Variants in FRG1 observed in about 807,000 individuals in gnomAD.
FRG1 encodes the protein FSHD region gene 1.
FRG1 carries 19 observed loss-of-function variants against 37.0 expected under a neutral mutation model. That is an observed-to-expected ratio of 0.51 (90% CI 0.36 to 0.75). The LOEUF is 0.75. Among genes scored for constraint, FRG1 ranks in the 30% least tolerant of loss-of-function variants. The pLI is 0.00. For synonymous variants in FRG1, 73 were observed against 96.5 expected, an observed-to-expected ratio of 0.76 and a Z score of 1.43; for missense variants, 243 against 301.4, an observed-to-expected ratio of 0.81 and a Z score of 1.44.
At chr4:189,962,943 C>A in intron 8 of FRG1, 150 bp from the exon 9 acceptor site, 1 of 431,832 alleles carries the variant, frequency 2.3e-6, no homozygotes, top group Non-Finnish European at 4.1e-6. Flanking sequence ...TTTATAGAAA[C>A]CAAATTTAAA....
In FRG1 at chr4:189,955,040, C is replaced by G. The variant is rs7684300; in HGVS notation, c.321C>G (p.Ile107Met). 25 of 1,593,164 alleles carry G rather than the reference C, an allele frequency of 1.6e-5. 1 individual carries two copies. Among genetic ancestry groups the G allele is most frequent in the Non-Finnish European group, 1.9e-5 (22 of 1,161,828 alleles). ...TATCTATGTTATTAATGTACAGAAT[C>G]GCCCTGAAGTCTGGCTATGGAAAAT... is the stretch of plus-strand genomic sequence containing the variant. ...FTAVKLSDSR[I>M]ALKSGYGKYL... The change falls in exon 5 of 9, where the codon ATC becomes ATG. Residue 107 changes from isoleucine to methionine, a missense_variant. By Grantham distance (10) the Ile-to-Met change is conservative. Coordinates refer to ENST00000226798, the MANE Select transcript of FRG1 (RefSeq NM_004477.3).
rs1020514656 is a variant in FRG1 at position 189,959,768 on chromosome 4, T to C, written c.538-980T>C. ...CAGACGAAATACAAAGTTTTCTGGG[T>C]CTCTTTGGTTAGTCAAGTACCTGGA... is the stretch of plus-strand genomic sequence containing the variant. On this transcript the variant is annotated intron_variant, in intron 6 of 8. Coordinates refer to ENST00000226798, the MANE Select transcript of FRG1 (RefSeq NM_004477.3). The C allele has an allele frequency of 2.4e-5, 11 of 460,326 alleles. No homozygotes were observed. The Admixed American group carries it at 7.0e-4, about 29-fold the overall frequency. The allele number at this position is 460,326 out of a possible 1,614,324, so 28.5% of individuals were successfully genotyped here. A position where few individuals can be genotyped will look rare whatever the true frequency, so the allele number is the denominator to read the frequency against.
intron 4 of FRG1, among the ~76,000 whole-genome samples, chr4:189,954,505 A>G (rs1330407848): frequency 6.6e-6 from 1 of 152,090 alleles, no homozygotes; most frequent in Non-Finnish European, 1.5e-5. Flanking sequence ...TATATAAGGT[A>G]CAATGTTTAT....
chr4:189,957,700 G>C (rs74198508), intron 6 of FRG1, among the ~76,000 whole-genome samples, 198 bp downstream of exon 6: 27 of 151,120 alleles, frequency 1.8e-4, no homozygotes, highest in Admixed American at 1.6e-3. Context: ...GTAGAGAAAT[G>C]AGTGCATCTA....
At chr4:189,945,706 C>CT (rs1405697519) in intron 2 of FRG1, among the ~76,000 whole-genome samples, 1 of 151,834 alleles carries the variant, frequency 6.6e-6, no homozygotes, top group Middle Eastern at 3.2e-3. Flanking sequence ...AGATATTGGA[C>CT]TTTTGTATCC....
chr4:189,957,478 A>C lies in FRG1; in HGVS notation c.513A>C (p.Thr171=), dbSNP rs1348676094. Reference sequence around the variant, plus strand: ...GGGACATAGAAGCAAAAAGTAAAACAGCAGGAGAAGAAGAAATGATCAAGG... The same window carrying C: ...GGGACATAGAAGCAAAAAGTAAAACCGCAGGAGAAGAAGAAATGATCAAGG... ...EAGDIEAKSK[T]AGEEEMIKIR... The change falls in exon 6 of 9, where the codon ACA becomes ACC. Residue 171 remains threonine (T), a synonymous_variant. Coordinates refer to ENST00000226798, the MANE Select transcript of FRG1 (RefSeq NM_004477.3). The C allele has an allele frequency of 5.0e-6, 8 of 1,612,260 alleles. No individual in the cohort carries two copies. In the African/African-American group the frequency reaches 1.1e-4, roughly 22 times the overall value.
In FRG1 at chr4:189,941,032, A is replaced by C. The variant is rs1473385131; in HGVS notation, c.23A>C (p.Lys8Thr). 17 of 1,613,974 alleles carry C rather than the reference A, an allele frequency of 1.1e-5. No individual in the cohort carries two copies. Among genetic ancestry groups the C allele is most frequent in the Middle Eastern group, 1.6e-4 (1 of 6,084 alleles). Residue 8 changes from lysine (K) to threonine (T), a missense_variant, in exon 1 of 9, where the codon AAG becomes ACG. Transcript: ENST00000226798. ...GCCATGGCCGAGTACTCCTACGTGA[A>C]GTCTACCAAGCTCGTGCTCAAGGGA... is the stretch of plus-strand genomic sequence containing the variant. Reference protein sequence around the residue: MAEYSYVKSTKLVLKGTK... With the variant: MAEYSYVTSTKLVLKGTK...
chr4:189,950,875 C>T (rs1025105576), intron 2 of FRG1, among the ~76,000 whole-genome samples: 6 of 152,070 alleles, frequency 3.9e-5, no homozygotes, highest in Middle Eastern at 3.2e-3. Context: ...CATAAACGTA[C>T]ATTTCTTAAC....
intron 4 of FRG1, among the ~76,000 whole-genome samples, chr4:189,954,198 CAT>C (rs934649671): frequency 1.2e-4 from 18 of 151,348 alleles, no homozygotes; most frequent in Non-Finnish European, 2.5e-4. Flanking sequence ...TTTTTAAAGT[CAT>C]AATGTTTAAA....
chr4:189,961,899 A>G lies in FRG1; in HGVS notation c.707A>G (p.Lys236Arg), dbSNP rs1737254066. Residue 236 changes from lysine (K) to arginine (R), a missense_variant, in exon 8 of 9, where the codon AAA becomes AGA. Coordinates refer to ENST00000226798, the MANE Select transcript of FRG1 (RefSeq NM_004477.3). Reference protein sequence around the residue: ...EDSKILKKARKDGFLHETLLD... With the variant: ...EDSKILKKARRDGFLHETLLD... ...AGTAAAATTCTTAAAAAGGCTCGGA[A>G]AGATGGATTTTTGCATGAGACGCTT... The G allele has an allele frequency of 6.3e-7, 1 of 1,597,506 alleles. No individual in the cohort carries two copies. The highest frequency in any genetic ancestry group is 8.5e-7 in the Non-Finnish European group (1 of 1,172,132).
chr4:189,949,575 G>A (rs1457648920), intron 2 of FRG1, among the ~76,000 whole-genome samples: 2 of 152,120 alleles, frequency 1.3e-5, no homozygotes, highest in Non-Finnish European at 2.9e-5. Context: ...ACATTAATGA[G>A]TTATTATATT....
At chr4:189,954,950 G>C (rs73876033) in intron 4 of FRG1, 87 bp from the exon 5 acceptor site, 1 of 768,810 alleles carries the variant, frequency 1.3e-6, no homozygotes, top group Non-Finnish European at 2.2e-6. Context: ...TATGTACACA[G>C]CCACACACAT....
At chr4:189,952,731 T>G (rs1425096473) in intron 3 of FRG1, among the ~76,000 whole-genome samples, 28 of 152,308 alleles carry the variant, frequency 1.8e-4, no homozygotes. Context: ...TATCATTTGG[T>G]CAGCAAGGCC....
At chr4:189,956,750 A>G (rs1180199319) in intron 5 of FRG1, among the ~76,000 whole-genome samples, 2 of 152,256 alleles carry the variant, frequency 1.3e-5, no homozygotes, top group Non-Finnish European at 1.5e-5. Flanking sequence ...CAAAAGAATC[A>G]ACCAAATACA....
chr4:189,959,664 T>C (rs1389726333), intron 6 of FRG1, among the ~76,000 whole-genome samples: 1 of 152,266 alleles, frequency 6.6e-6, no homozygotes, highest in African/African-American at 2.4e-5. Flanking sequence ...TGCAAATATA[T>C]GTGCAGTGCT....
intron 3 of FRG1, among the ~76,000 whole-genome samples, chr4:189,952,489 G>A (rs201426594): frequency 7.0e-3 from 877 of 124,806 alleles, no homozygotes; most frequent in South Asian, 0.022. Flanking sequence ...AAAACATTCC[G>A]TATAGTTCCA....
intron 2 of FRG1, among the ~76,000 whole-genome samples, chr4:189,944,599 G>T (rs1001322127): frequency 2.8e-5 from 4 of 145,180 alleles, no homozygotes; most frequent in African/African-American, 7.6e-5. Flanking sequence ...TTGTGAGTTC[G>T]GTTTCAAGAT....
intron 4 of FRG1, among the ~76,000 whole-genome samples, chr4:189,954,117 G>C (rs933135227): frequency 5.3e-5 from 8 of 151,978 alleles, no homozygotes; most frequent in Admixed American, 1.3e-4. Context: ...AAAAACAATT[G>C]TTATTCTAGT....
At chr4:189,946,147 G>C (rs991141471) in intron 2 of FRG1, among the ~76,000 whole-genome samples, 3 of 152,098 alleles carry the variant, frequency 2.0e-5, no homozygotes, top group Non-Finnish European at 4.4e-5. Context: ...GGATCAGTCA[G>C]TCTAGCTGGA....
Sources: allele counts gnomAD v4.1 joint callset (sites outside exome capture counted in the v4.1 genomes callset), GRCh38; gene constraint gnomAD v4.1.1; transcripts MANE v1.5; gene names NCBI Gene and HGNC (gene_info 2026-07-23, HGNC 2026-07-21).